NTRK2: variants seen among roughly 807,000 people sequenced by gnomAD.
The protein encoded by NTRK2 is neurotrophic receptor tyrosine kinase 2, also known as BDNF/NT-3 growth factors receptor.
A neutral mutation model predicts 94.5 loss-of-function variants in NTRK2; 13 were observed. That is an observed-to-expected ratio of 0.14 (90% CI 0.09 to 0.22). The LOEUF is 0.22. Ranked by LOEUF, NTRK2 falls within the 10% of genes least tolerant of loss-of-function variation. The probability of loss-of-function intolerance (pLI) is 1.00; values close to 1 mark genes in which losing one functional copy is unlikely to be tolerated. For synonymous variants in NTRK2, 372 were observed against 407.4 expected (o/e 0.91, Z 1.05); for missense variants, 639 against 1,071.2 (o/e 0.60, Z 5.63).
chr9:84,771,201 G>A (rs953737536), intron 12 of NTRK2, among the ~76,000 whole-genome samples: 3 of 152,170 alleles, frequency 2.0e-5, no homozygotes, highest in Admixed American at 6.5e-5. Flanking sequence ...AGGTGACAAC[G>A]GGACAGGGCA....
intron 12 of NTRK2, among the ~76,000 whole-genome samples, chr9:84,763,458 G>T (rs1382671523): frequency 3.4e-5 from 5 of 147,832 alleles, no homozygotes; most frequent in East Asian, 3.9e-4. Flanking sequence ...GTGGATCTTG[G>T]TTTTTTTTTT....
chr9:84,774,935 G>A (rs2066891751), intron 12 of NTRK2, among the ~76,000 whole-genome samples: 1 of 152,178 alleles, frequency 6.6e-6, no homozygotes, highest in Admixed American at 6.5e-5. Context: ...GACAGTGGTG[G>A]AAGGAAAAGG....
At chr9:84,704,527 G>A (rs969575648) in intron 4 of NTRK2, among the ~76,000 whole-genome samples, 1 of 152,014 alleles carries the variant, frequency 6.6e-6, no homozygotes, top group African/African-American at 2.4e-5. Flanking sequence ...CGCCTGGCCG[G>A]TGGTATTCTT....
chr9:85,020,305 G>A lies in NTRK2; in HGVS notation c.2272G>A (p.Val758Met), dbSNP rs1368656393. Reference sequence around the variant, plus strand: ...AAGCGACGTCTGGAGCCTGGGGGTCGTGTTGTGGGAGATTTTCACCTATGG... The same window carrying A: ...AAGCGACGTCTGGAGCCTGGGGGTCATGTTGTGGGAGATTTTCACCTATGG... ...TESDVWSLGVVLWEIFTYGKQ... is the reference protein window; with the variant it reads ...TESDVWSLGVMLWEIFTYGKQ... The change falls in exon 18 of 19, where the codon GTG becomes ATG. Residue 758 changes from valine to methionine, a missense_variant. Val to Met is a conservative substitution (Grantham distance 21, BLOSUM62 1). This residue lies in a region of NTRK2 where 77 missense variants were observed against 203.6 expected (regional missense o/e 0.38). Coordinates refer to ENST00000277120, the MANE Select transcript of NTRK2 (RefSeq NM_006180.6). The A allele has an allele frequency of 5.6e-6, 9 of 1,614,122 alleles. No individual in the cohort carries two copies. The highest frequency in any genetic ancestry group is 5.9e-6 in the Non-Finnish European group (7 of 1,180,012).
At chr9:84,691,974 C>T (rs1407691175) in intron 2 of NTRK2, among the ~76,000 whole-genome samples, 2 of 152,106 alleles carry the variant, frequency 1.3e-5, no homozygotes, top group Admixed American at 6.6e-5. Context: ...TCATATTGAC[C>T]GATGTTAGAG....
chr9:84,739,739 A>G (rs1019140438), intron 9 of NTRK2, among the ~76,000 whole-genome samples: 16 of 152,302 alleles, frequency 1.1e-4, no homozygotes, highest in African/African-American at 3.6e-4. Flanking sequence ...AAAGCCCCAG[A>G]ACTAGAAAAA....
rs139591406 is a variant in NTRK2, at chr9:84,934,104, C to T, written c.1634-58C>T. 8.4e-4 allele frequency: 1,341 copies of T among 1,605,986 alleles called. 12 individuals are homozygous for T. The African/African-American group carries it at 0.014, about 17-fold the overall frequency. On this transcript the variant is annotated intron_variant, in intron 14 of 18. Coordinates refer to ENST00000277120, the MANE Select transcript of NTRK2 (RefSeq NM_006180.6). The stretch of plus-strand genomic sequence containing the variant: ...AGGTACAGGCCACCAACTCTTCACC[C>T]GCTGCCTTCACCTCCACATGCTTCA...
chr9:85,008,810 T>C (rs1831253704), intron 17 of NTRK2, among the ~76,000 whole-genome samples: 1 of 152,182 alleles, frequency 6.6e-6, no homozygotes, highest in Non-Finnish European at 1.5e-5. Flanking sequence ...AGCAGGACTG[T>C]GTCAAATCCT....
chr9:85,004,079 A>AGGGAGG (rs1830679055), intron 17 of NTRK2, among the ~76,000 whole-genome samples: 1 of 54,366 alleles, frequency 1.8e-5, no homozygotes, highest in African/African-American at 5.8e-5. Context: ...AGAGAGAGGA[A>AGGGAGG]GAGGGAGAGA....
chr9:84,695,160 C>T (rs902405039), intron 2 of NTRK2, among the ~76,000 whole-genome samples: 2 of 151,324 alleles, frequency 1.3e-5, no homozygotes, highest in Admixed American at 6.6e-5. Context: ...TAGCAGGAAA[C>T]GATTCCACTT....
chr9:84,760,342 T>G (rs1010666519), intron 12 of NTRK2, among the ~76,000 whole-genome samples: 1 of 152,220 alleles, frequency 6.6e-6, no homozygotes, highest in Non-Finnish European at 1.5e-5. Context: ...TTTTCAGATT[T>G]ATGTTTTAGT....
intron 10 of NTRK2, among the ~76,000 whole-genome samples, chr9:84,743,835 A>G (rs2063842732): frequency 6.6e-6 from 1 of 152,374 alleles, no homozygotes; most frequent in Middle Eastern, 3.4e-3. Flanking sequence ...TTTAAAATTA[A>G]TAAGTTTTAA....
intron 4 of NTRK2, among the ~76,000 whole-genome samples, chr9:84,705,926 A>G (rs575782148): frequency 6.6e-6 from 1 of 151,642 alleles, no homozygotes; most frequent in East Asian, 2.0e-4. Flanking sequence ...AGTAGCTGAG[A>G]TTACAGGCAG....
At chr9:84,820,229 G>A (rs1480693797) in intron 12 of NTRK2, among the ~76,000 whole-genome samples, 1 of 149,668 alleles carries the variant, frequency 6.7e-6, no homozygotes, top group Non-Finnish European at 1.5e-5. Context: ...GAGTGCAGTG[G>A]TGCGATCTCT....
In NTRK2 at chr9:85,024,756, A is replaced by T. The variant is rs1400003735; in HGVS notation, c.*3319A>T. On this transcript the variant is annotated 3_prime_UTR_variant, in exon 19 of 19. Transcript: ENST00000277120. ...GATATATAATCATGCTCTTAGCTTC[A>T]GCTAAATTCAGCTAAATTCTTGTAC... The T allele has an allele frequency of 4.3e-6, 1 of 233,044 alleles. No homozygotes were observed. Among genetic ancestry groups the T allele is most frequent in the East Asian group, 6.1e-5 (1 of 16,526 alleles). 14.4% of individuals were successfully genotyped at this position (233,044 alleles called of 1,614,324 possible). A position where few individuals can be genotyped will look rare whatever the true frequency, so the allele number is the denominator to read the frequency against.
chr9:84,914,469 A>G (rs973659972), intron 14 of NTRK2, among the ~76,000 whole-genome samples: 3 of 152,034 alleles, frequency 2.0e-5, no homozygotes, highest in Non-Finnish European at 4.4e-5. Context: ...TCTGTTTGAG[A>G]TGGTTTCCTC....
At chr9:84,955,695 G>T (rs1399725588) in intron 17 of NTRK2, 178 bp downstream of exon 17, 1 of 703,726 alleles carries the variant, frequency 1.4e-6, no homozygotes, top group Non-Finnish European at 2.6e-6. Flanking sequence ...AGTGGGATTG[G>T]TTCCTCCTGA....
intron 12 of NTRK2, among the ~76,000 whole-genome samples, chr9:84,815,925 A>T (rs918914277): frequency 9.2e-5 from 14 of 151,748 alleles, no homozygotes; most frequent in Non-Finnish European, 1.8e-4. Flanking sequence ...GTCAGTATGA[A>T]TTGTCCATTC....
chr9:84,716,009 C>T (rs1326313878), intron 6 of NTRK2, among the ~76,000 whole-genome samples: 1 of 152,138 alleles, frequency 6.6e-6, no homozygotes, highest in Admixed American at 6.6e-5. Context: ...ATGGCAAATA[C>T]ATTTAAGAAA....
Sources: gnomAD v4.1 joint callset for allele counts (sites outside exome capture counted in the v4.1 genomes callset) on GRCh38, gnomAD v4.1.1 for gene constraint, gnomAD v4.1.1 regional missense constraint, MANE v1.5 for transcripts, NCBI Gene and HGNC (gene_info 2026-07-23, HGNC 2026-07-21) for gene names.